The following ELOA2 variants were observed in gnomAD, a reference collection of about 807,000 sequenced individuals.
ELOA2 encodes the protein elongin A2.
For missense variants in ELOA2, 1,271 were observed against 979.7 expected, an observed-to-expected ratio of 1.30 and a Z score of -3.97; for synonymous variants, 497 against 398.8, an observed-to-expected ratio of 1.25 and a Z score of -2.94.
chr18:47,034,260 C>T lies in ELOA2; in HGVS notation c.1005G>A (p.Glu335=), dbSNP rs1054782629. The T allele has an allele frequency of 1.9e-6, 3 of 1,613,900 alleles. No individual in the cohort carries two copies. Among genetic ancestry groups the T allele is most frequent in the African/African-American group, 1.3e-5 (1 of 74,948 alleles). Residue 335 remains glutamate (E), a synonymous_variant, in exon 1 of 1, where the codon GAG becomes GAA. Transcript: ENST00000332567. ...PGNGTHGLSP[E]EKEQLSNDRE... ...GGTCGTTGGAAAGCTGCTCTTTCTCCTCGGGCGACAGGCCGTGTGTCCCAT... is the reference window on the plus strand; with the variant it reads ...GGTCGTTGGAAAGCTGCTCTTTCTCTTCGGGCGACAGGCCGTGTGTCCCAT...
rs1238530028 is a variant in ELOA2 at position 47,034,207 on chromosome 18, G to T, written c.1058C>A (p.Thr353Asn). The part of the protein sequence containing the change: ...DRETQEGKPP[T>N]AHLDRTSVSS... The stretch of plus-strand genomic sequence containing the variant: ...CACGGACGTTCTGTCCAAATGAGCA[G>T]TCGGTGGCTTCCCCTCTTGAGTCTC... The change falls in exon 1 of 1, where the codon ACT (threonine) becomes AAT (asparagine). Residue 353 changes from threonine (T) to asparagine (N), a missense_variant. Coordinates refer to ENST00000332567, the MANE Select transcript of ELOA2 (RefSeq NM_016427.3). The T allele has an allele frequency of 6.2e-7, 1 of 1,613,850 alleles. No homozygotes were observed. The highest frequency in any genetic ancestry group is 1.3e-5 in the African/African-American group (1 of 75,064).
At position 47,034,836 on chromosome 18, in the gene ELOA2, GTGAGGTCTCTGT is replaced by G. The variant is rs773570774; in HGVS notation, c.417_428del (p.Gln139_Pro142del). 1 of 1,612,054 alleles carries G rather than the reference GTGAGGTCTCTGT, an allele frequency of 6.2e-7. No homozygotes were observed. The highest frequency in any genetic ancestry group is 1.3e-5 in the African/African-American group (1 of 74,864). ...TGGGCTCGCGACTGTGAGACCTCGG[GTGAGGTCTCTGT>G]TGCCCCGGAGGTGTTCTGCGTGCTG... On this transcript the variant is annotated inframe_deletion, in exon 1 of 1. Transcript: ENST00000332567.
chr18:47,034,364 G>C lies in ELOA2; in HGVS notation c.901C>G (p.Pro301Ala). 1 of 1,613,982 alleles carries C rather than the reference G, an allele frequency of 6.2e-7. No individual in the cohort carries two copies. The highest frequency in any genetic ancestry group is 8.5e-7 in the Non-Finnish European group (1 of 1,179,992). The change falls in exon 1 of 1, where the codon CCA (proline) becomes GCA (alanine). Residue 301 changes from proline to alanine, a missense_variant. Physicochemically the swap from Pro to Ala is conservative, Grantham distance 27 (BLOSUM62 -1). Transcript: ENST00000332567. Reference protein sequence around the residue: ...GQRVPALEEAPDSHQKRPQHS... With the variant: ...GQRVPALEEAADSHQKRPQHS... The stretch of plus-strand genomic sequence containing the variant: ...TGAGGCCTCTTCTGGTGACTGTCTG[G>C]AGCCTCCTCCAAGGCAGGGACACGC...
Position 47,033,449 on chromosome 18 carries a change from CCCT to C in ELOA2, c.1813_1815del (p.Arg605del). ...GCGTCCGGAAGCCGCAGGTACTGCT[CCCT>C]CCAAGTTTTGTTTTCCTGTGGCTTT... On this transcript the variant is annotated inframe_deletion, in exon 1 of 1. Transcript: ENST00000332567. 6.2e-7 allele frequency: 1 copy of C among 1,613,924 alleles called. No homozygotes were observed. The highest frequency in any genetic ancestry group is 8.5e-7 in the Non-Finnish European group (1 of 1,180,030).
Position 47,034,012 on chromosome 18 carries a change from T to A in ELOA2, c.1253A>T (p.Lys418Met). ...GDKQRKANESKGTRESWDSAK... is the reference protein window; with the variant it reads ...GDKQRKANESMGTRESWDSAK... ...CGAATCCCAGGACTCACGAGTGCCC[T>A]TGGATTCGTTTGCTTTCCTTTGTTT... The change falls in exon 1 of 1, where the codon AAG (lysine) becomes ATG (methionine). Residue 418 changes from lysine (K) to methionine (M), a missense_variant. By Grantham distance (95) the Lys-to-Met change is moderately conservative. Transcript: ENST00000332567. 6.2e-7 allele frequency: 1 copy of A among 1,614,106 alleles called. No homozygotes were observed. The highest frequency in any genetic ancestry group is 1.1e-5 in the South Asian group (1 of 91,074).
chr18:47,034,217 T>A, the ELOA2 span: 1 of 1,613,756 alleles, frequency 6.2e-7, no homozygotes, highest in South Asian at 1.1e-5. Flanking sequence ...GTCGGTGGCT[T>A]CCCCTCTTGA....
chr18:47,034,448 C>A lies in ELOA2; in HGVS notation c.817G>T (p.Asp273Tyr), dbSNP rs2060656076. The change falls in exon 1 of 1, where the codon GAC (aspartate) becomes TAC (tyrosine). Residue 273 changes from aspartate (D) to tyrosine (Y), a missense_variant. Asp to Tyr is a radical substitution (Grantham distance 160). Coordinates refer to ENST00000332567, the MANE Select transcript of ELOA2 (RefSeq NM_016427.3). ...PRMPSWASAR[D>Y]RQPSDFKTDK... Reference sequence around the variant, plus strand: ...GTCTTGAAGTCCGAAGGCTGCCTGTCCCTGGCACTTGCCCAGGAGGGCATC... The same window carrying A: ...GTCTTGAAGTCCGAAGGCTGCCTGTACCTGGCACTTGCCCAGGAGGGCATC... 5.0e-6 allele frequency: 8 copies of A among 1,614,186 alleles called. No individual in the cohort carries two copies. Among genetic ancestry groups the A allele is most frequent in the Non-Finnish European group, 6.8e-6 (8 of 1,180,046 alleles).
chr18:47,034,411 C>A lies in ELOA2; in HGVS notation c.854G>T (p.Gly285Val), dbSNP rs1213560157. Reference protein sequence around the residue: ...QPSDFKTDKEGGQAGSGQRVP... With the variant: ...QPSDFKTDKEVGQAGSGQRVP... ...ACGCTGGCCGCTGCCAGCTTGCCCC[C>A]CTTCCTTGTCTGTCTTGAAGTCCGA... is the stretch of plus-strand genomic sequence containing the variant. The change falls in exon 1 of 1, where the codon GGG becomes GTG. Residue 285 changes from glycine (G) to valine (V), a missense_variant. Physicochemically the swap from Gly to Val is moderately radical, Grantham distance 109. Coordinates refer to ENST00000332567, the MANE Select transcript of ELOA2 (RefSeq NM_016427.3). 3.1e-6 allele frequency: 5 copies of A among 1,614,100 alleles called. No homozygotes were observed. The highest frequency in any genetic ancestry group is 4.2e-6 in the Non-Finnish European group (5 of 1,180,040).
Position 47,035,363 on chromosome 18 carries a change from G to T in ELOA2, c.-99C>A, listed in dbSNP as rs1933990436. On this transcript the variant is annotated 5_prime_UTR_variant, in exon 1 of 1. Transcript: ENST00000332567. ...TGGGGTGGCCGGTCCTCGCTGCCCG[G>T]TCGCCAGGCAGCGACCTCGGGATGT... 6.3e-7 allele frequency: 1 copy of T among 1,580,270 alleles called. No homozygotes were observed. The highest frequency in any genetic ancestry group is 2.3e-5 in the East Asian group (1 of 44,148).
rs780160438 is a variant in ELOA2, at chr18:47,034,762, T to C, written c.503A>G (p.Tyr168Cys). 12 of 1,612,574 alleles carry C rather than the reference T, an allele frequency of 7.4e-6. No homozygotes were observed. In the East Asian group the frequency reaches 2.7e-4, roughly 36 times the overall value. The part of the protein sequence containing the change: ...PRIAPADSGR[Y>C]RASPTRTAPL... ...AGCTGTGCGCGTTGGAGAGGCCCGA[T>C]AGCGGCCGGAATCAGCTGGGGCTAT... The change falls in exon 1 of 1, where the codon TAT becomes TGT. Residue 168 changes from tyrosine to cysteine, a missense_variant. Transcript: ENST00000332567.
the ELOA2 span, chr18:47,033,446 G>A: frequency 1.9e-6 from 3 of 1,613,922 alleles, no homozygotes; most frequent in Non-Finnish European, 2.5e-6. Context: ...CGCAGGTACT[G>A]CTCCCTCCAA....
In ELOA2 at chr18:47,033,264, G is replaced by A. The variant is rs770221584; in HGVS notation, c.2001C>T (p.Pro667=). 4 of 1,613,526 alleles carry A rather than the reference G, an allele frequency of 2.5e-6. No individual in the cohort carries two copies. The highest frequency in any genetic ancestry group is 2.2e-5 in the East Asian group (1 of 44,888). ...AGGCTGGCTTGATCTCCCCATTTTCGGGGTCAGCGTCTCCTGCAGACTTCT... is the reference window on the plus strand; with the variant it reads ...AGGCTGGCTTGATCTCCCCATTTTCAGGGTCAGCGTCTCCTGCAGACTTCT... ...RQEKSAGDAD[P]ENGEIKPASK... is the part of the protein sequence containing the mutation. The change falls in exon 1 of 1, where the codon CCC becomes CCT. Residue 667 remains proline, a synonymous_variant. Coordinates refer to ENST00000332567, the MANE Select transcript of ELOA2 (RefSeq NM_016427.3).
chr18:47,034,056 G>C lies in ELOA2; in HGVS notation c.1209C>G (p.Ala403=). The C allele has an allele frequency of 6.2e-7, 1 of 1,614,200 alleles. No individual in the cohort carries two copies. Among genetic ancestry groups the C allele is most frequent in the Non-Finnish European group, 8.5e-7 (1 of 1,180,040 alleles). The part of the protein sequence containing the change: ...RKQKKKTGKS[A]TTALGDKQRK... ...TTTGTTTATCTCCAAGTGCAGTGGTGGCAGATTTTCCAGTCTTTTTCTTTT... is the reference window on the plus strand; with the variant it reads ...TTTGTTTATCTCCAAGTGCAGTGGTCGCAGATTTTCCAGTCTTTTTCTTTT... Residue 403 remains alanine, a synonymous_variant, in exon 1 of 1, where the codon GCC becomes GCG. Transcript: ENST00000332567.
In ELOA2 at chr18:47,033,998, A is replaced by G. The variant is rs1402573668; in HGVS notation, c.1267T>C (p.Ser423Pro). The change falls in exon 1 of 1, where the codon TCC (serine) becomes CCC (proline). Residue 423 changes from serine to proline, a missense_variant. Transcript: ENST00000332567. ...GGCAATTTCTTAGCCGAATCCCAGG[A>G]CTCACGAGTGCCCTTGGATTCGTTT... is the stretch of plus-strand genomic sequence containing the variant. ...KANESKGTRE[S>P]WDSAKKLPPV... is the part of the protein sequence containing the mutation. The G allele has an allele frequency of 6.2e-7, 1 of 1,613,780 alleles. No homozygotes were observed. Among genetic ancestry groups the G allele is most frequent in the Admixed American group, 1.7e-5 (1 of 60,024 alleles).
chr18:47,035,473 G>T lies in ELOA2; in HGVS notation c.-209C>A, dbSNP rs1020487861. On this transcript the variant is annotated 5_prime_UTR_variant, in exon 1 of 1. Coordinates refer to ENST00000332567, the MANE Select transcript of ELOA2 (RefSeq NM_016427.3). Reference sequence around the variant, plus strand: ...GCCGTCCTTGCAGACAGCTGAGCAGGCCCGCTTTTGTTCCTCGGGATGTGG... The same window carrying T: ...GCCGTCCTTGCAGACAGCTGAGCAGTCCCGCTTTTGTTCCTCGGGATGTGG... The T allele has an allele frequency of 6.5e-6, 7 of 1,071,788 alleles. 1 individual carries two copies. The South Asian group carries it at 1.2e-4, about 18-fold the overall frequency. 66.4% of individuals were successfully genotyped at this position (1,071,788 alleles called of 1,614,324 possible).
rs1447451032 is a variant in ELOA2, at chr18:47,032,774, A to T, written c.*229T>A. ...AACATCCAAAATAGAATTGTTCCCA[A>T]TGCGTTCATATCTTCTGAATTCTGA... On this transcript the variant is annotated 3_prime_UTR_variant, in exon 1 of 1. Transcript: ENST00000332567. 1.4e-6 allele frequency: 1 copy of T among 716,844 alleles called. No individual in the cohort carries two copies. Among genetic ancestry groups the T allele is most frequent in the Non-Finnish European group, 2.3e-6 (1 of 442,164 alleles). 44.4% of individuals were successfully genotyped at this position (716,844 alleles called of 1,614,324 possible). A position where few individuals can be genotyped will look rare whatever the true frequency, so the allele number is the denominator to read the frequency against.
In ELOA2 at chr18:47,035,327, G is replaced by T. The variant is rs925022796; in HGVS notation, c.-63C>A. 1.2e-6 allele frequency: 2 copies of T among 1,607,808 alleles called. No individual in the cohort carries two copies. The highest frequency in any genetic ancestry group is 1.7e-5 in the Admixed American group (1 of 59,734). ...CGCAGCTCTGTCTTTGGGGCTGCGG[G>T]ACAGGAAGTCTGGGGTGGCCGGTCC... On this transcript the variant is annotated 5_prime_UTR_variant, in exon 1 of 1. Transcript: ENST00000332567.
At position 47,033,641 on chromosome 18, in the gene ELOA2, C is replaced by T. The variant is rs559315153; in HGVS notation, c.1624G>A (p.Asp542Asn). 1.9e-6 allele frequency: 3 copies of T among 1,614,078 alleles called. No individual in the cohort carries two copies. Among genetic ancestry groups the T allele is most frequent in the Non-Finnish European group, 2.5e-6 (3 of 1,180,048 alleles). Reference protein sequence around the residue: ...QCAQVLRNNPDALSDVGEVPY... With the variant: ...QCAQVLRNNPNALSDVGEVPY... ...ACCTCTCCCACGTCGCTGAGGGCGTCCGGATTGTTTCTAAGCACCTGGGCA... is the reference window on the plus strand; with the variant it reads ...ACCTCTCCCACGTCGCTGAGGGCGTTCGGATTGTTTCTAAGCACCTGGGCA... Residue 542 changes from aspartate (D) to asparagine (N), a missense_variant, in exon 1 of 1, where the codon GAC becomes AAC. By Grantham distance (23) the Asp-to-Asn change is conservative. Transcript: ENST00000332567.
rs752689604 is a variant in ELOA2, at chr18:47,035,178, T to C, written c.87A>G (p.Lys29=). 5 of 1,612,286 alleles carry C rather than the reference T, an allele frequency of 3.1e-6. No homozygotes were observed. Among genetic ancestry groups the C allele is most frequent in the Non-Finnish European group, 4.2e-6 (5 of 1,179,848 alleles). Residue 29 remains lysine, a synonymous_variant, in exon 1 of 1, where the codon AAA becomes AAG. Transcript: ENST00000332567. ...ATKTEPKKLE[K]YLQKLSALPM... is the part of the protein sequence containing the mutation. ...GCAAGGCGGAGAGTTTCTGCAAATA[T>C]TTCTCTAGCTTTTTCGGCTCCGTCT...
Sources: allele counts gnomAD v4.1 joint callset, GRCh38; gene constraint gnomAD v4.1.1; transcripts MANE v1.5; gene names NCBI Gene and HGNC (gene_info 2026-07-23, HGNC 2026-07-21).